Variants in FABP12 observed in about 807,000 individuals in gnomAD.
FABP12 encodes fatty acid binding protein 12.
In FABP12, 19 loss-of-function variants were observed where a neutral mutation model predicts 13.7. The ratio of observed to expected loss-of-function variants is 1.39; its 90% confidence interval spans 0.97 to 2.04. The LOEUF (loss-of-function observed/expected upper bound fraction) is 2.04. Ranked by LOEUF, FABP12 falls within the 30% of genes most tolerant of loss-of-function variation. The probability of loss-of-function intolerance (pLI) is 0.00; values close to 1 mark genes in which losing one functional copy is unlikely to be tolerated. For synonymous variants in FABP12, 61 were observed against 57.0 expected (o/e 1.07, Z -0.32); for missense variants, 182 against 164.2 (o/e 1.11, Z -0.59).
Position 81,546,497 on chromosome 8 carries a change from C to CAAAA in FABP12, c.-184-6758_-184-6755dup, listed in dbSNP as rs544166796. Among the ~76,000 whole-genome samples the CAAAA allele has an allele frequency of 3.6e-5, 4 of 111,716 alleles. No homozygotes were observed. The South Asian group carries it at 1.2e-3, about 32-fold the overall frequency. 73.3% of individuals were successfully genotyped at this position (111,716 alleles called of 152,430 possible). ...TGAAACCCCGTGTCTACTAAAAATACAAAAAAAAAAAAAAAAGTAGCTGGG... is the reference window on the plus strand; with the variant it reads ...TGAAACCCCGTGTCTACTAAAAATACAAAAAAAAAAAAAAAAAAAAGTAGCTGGG... On this transcript the variant is annotated intron_variant, in intron 1 of 5. Coordinates refer to the FABP12 transcript ENST00000692030.
At chr8:81,583,311 G>A (rs1810195472) in intron 1 of FABP12, among the ~76,000 whole-genome samples, 1 of 151,734 alleles carries the variant, frequency 6.6e-6, no homozygotes, top group African/African-American at 2.4e-5. Flanking sequence ...AAAGCAAGAA[G>A]AAACAAAACT....
chr8:81,556,798 G>A (rs532194364), intron 1 of FABP12, among the ~76,000 whole-genome samples: 148 of 146,354 alleles, frequency 1.0e-3, no homozygotes, highest in African/African-American at 3.6e-3. Context: ...ATATATATAT[G>A]GTGCTTAAAA....
intron 1 of FABP12, among the ~76,000 whole-genome samples, chr8:81,570,478 C>T (rs1475964319): frequency 1.3e-5 from 2 of 152,186 alleles, no homozygotes; most frequent in Non-Finnish European, 2.9e-5. Flanking sequence ...CAGTGGGCAG[C>T]TCCTCTTCGT....
chr8:81,525,216 T>A, intron 4 of FABP12, 96 bp from the exon 5 acceptor site: 1 of 818,906 alleles, frequency 1.2e-6, no homozygotes, highest in Non-Finnish European at 1.9e-6. Flanking sequence ...ATACATTCCT[T>A]AAAAATATTG....
At chr8:81,578,268 A>G (rs1302644609) in intron 1 of FABP12, among the ~76,000 whole-genome samples, 1 of 152,222 alleles carries the variant, frequency 6.6e-6, no homozygotes, top group Non-Finnish European at 1.5e-5. Context: ...ATTGGTTTAT[A>G]GTACTAAAAC....
intron 1 of FABP12, among the ~76,000 whole-genome samples, chr8:81,554,824 C>T (rs1167470627): frequency 6.6e-6 from 1 of 151,962 alleles, no homozygotes; most frequent in Non-Finnish European, 1.5e-5. Context: ...ATCACAAACA[C>T]ACAAATCTCA....
At chr8:81,529,412 G>T (rs1054770058) in intron 3 of FABP12, 26 bp downstream of exon 3, 4 of 1,608,796 alleles carry the variant, frequency 2.5e-6, no homozygotes, top group African/African-American at 2.7e-5. Flanking sequence ...TTTGAAATGT[G>T]TCTGAAAGAC....
exon 1 of FABP12, among the ~76,000 whole-genome samples, chr8:81,533,906 G>A (rs573529961): frequency 3.3e-4 from 50 of 152,090 alleles, no homozygotes; most frequent in Non-Finnish European, 5.7e-4. Flanking sequence ...TGGGTCTGAC[G>A]GAACCTGGCT....
At chr8:81,528,662 G>A (rs1808974159) in intron 3 of FABP12, among the ~76,000 whole-genome samples, 2 of 152,118 alleles carry the variant, frequency 1.3e-5, no homozygotes, top group African/African-American at 4.8e-5. Context: ...TCCTGTTTTG[G>A]ATGAGCTCTT....
intron 1 of FABP12, among the ~76,000 whole-genome samples, chr8:81,544,108 G>A (rs1809396479): frequency 1.3e-5 from 2 of 152,112 alleles, no homozygotes; most frequent in African/African-American, 2.4e-5. Flanking sequence ...AGAACTATGG[G>A]GAAAACTATC....
chr8:81,577,634 G>A (rs1032841158), intron 1 of FABP12, among the ~76,000 whole-genome samples: 29 of 152,112 alleles, frequency 1.9e-4, no homozygotes, highest in African/African-American at 7.0e-4. Flanking sequence ...GGTGGCACAG[G>A]CCCGTAATTT....
At chr8:81,553,835 C>T (rs1392985528) in intron 1 of FABP12, among the ~76,000 whole-genome samples, 7 of 152,160 alleles carry the variant, frequency 4.6e-5, no homozygotes, top group Non-Finnish European at 8.8e-5. Flanking sequence ...GGAAAAGGAG[C>T]GCTGGGGCTG....
At chr8:81,527,961 G>T (rs7009225) in intron 3 of FABP12, among the ~76,000 whole-genome samples, 22,447 of 151,428 alleles carry the variant, frequency 0.15, 3,379 homozygotes, top group African/African-American at 0.39. Context: ...TCTCAATAAA[G>T]AATAATAATA....
At position 81,529,650 on chromosome 8, in the gene FABP12, A is replaced by C. The variant is rs867343730; in HGVS notation, c.74-40T>G. The stretch of plus-strand genomic sequence containing the variant: ...AAAGGAGTATTATCTTTTTGCATAA[A>C]GAATTACAAATACATTACATTACAA... On this transcript the variant is annotated intron_variant, in intron 2 of 4. Coordinates refer to ENST00000360464, the Ensembl canonical transcript of FABP12. 31 of 1,540,734 alleles carry C rather than the reference A, an allele frequency of 2.0e-5. No homozygotes were observed. In the Middle Eastern group the frequency reaches 1.9e-3, roughly 94 times the overall value.
intron 1 of FABP12, among the ~76,000 whole-genome samples, chr8:81,578,147 C>T (rs551005147): frequency 2.6e-5 from 4 of 152,240 alleles, no homozygotes; most frequent in South Asian, 2.1e-4. Context: ...ACTAAATTTC[C>T]GACATAAGAA....
At chr8:81,571,121 C>T (rs775109822) in intron 1 of FABP12, among the ~76,000 whole-genome samples, 29 of 152,330 alleles carry the variant, frequency 1.9e-4, no homozygotes, top group East Asian at 1.2e-3. Context: ...AGTGGCAGAG[C>T]CCCAGCATGA....
chr8:81,539,433 C>CTTTTTTTTTTTTTTTTTTTTT (rs35386904), intron 2 of FABP12, among the ~76,000 whole-genome samples: 2 of 50,018 alleles, frequency 4.0e-5, no homozygotes, highest in African/African-American at 8.0e-5. Context: ...TTCTTTAGTT[C>CTTTTTTTTTTTTTTTTTTTTT]TTTTTTTTTT....
intron 1 of FABP12, among the ~76,000 whole-genome samples, chr8:81,574,667 T>C (rs995983193): frequency 2.0e-5 from 3 of 152,180 alleles, no homozygotes; most frequent in Non-Finnish European, 4.4e-5. Context: ...GTCTTCCTGA[T>C]TTAAGCTAGG....
At chr8:81,581,974 CAAG>C (rs1265901452) in intron 1 of FABP12, among the ~76,000 whole-genome samples, 1 of 151,300 alleles carries the variant, frequency 6.6e-6, no homozygotes, top group African/African-American at 2.4e-5. Flanking sequence ...GACACTGAAA[CAAG>C]GAGAGAAAGA....
Sources: allele counts gnomAD v4.1 joint callset (sites outside exome capture counted in the v4.1 genomes callset), GRCh38; gene constraint gnomAD v4.1.1; transcripts MANE v1.5; gene names NCBI Gene and HGNC (gene_info 2026-07-23, HGNC 2026-07-21).